The following UGT2A2 variants were observed in gnomAD, a reference collection of about 807,000 sequenced individuals.
UGT2A2 encodes the protein UDP glucuronosyltransferase family 2 member A2.
Under a neutral mutation model 50.7 loss-of-function variants are expected in UGT2A2, and 60 were observed. That is an observed-to-expected ratio of 1.18 (90% CI 0.96 to 1.47). UGT2A2 has a LOEUF of 1.47. Ranked by LOEUF, UGT2A2 falls within the 40% of genes most tolerant of loss-of-function variation. The pLI is 0.00. For missense variants in UGT2A2, 762 were observed against 634.0 expected (o/e 1.20, Z -2.17); for synonymous variants, 242 against 214.6 (o/e 1.13, Z -1.11).
At chr4:69,617,122 G>A (rs1016489987) in intron 1 of UGT2A2, among the ~76,000 whole-genome samples, 3 of 151,838 alleles carry the variant, frequency 2.0e-5, no homozygotes, top group Non-Finnish European at 4.4e-5. Context: ...CAGAACTATT[G>A]TTAGTATTCA....
chr4:69,633,998 C>T (rs1325237720), intron 1 of UGT2A2, among the ~76,000 whole-genome samples: 2 of 152,100 alleles, frequency 1.3e-5, no homozygotes, highest in Non-Finnish European at 1.5e-5. Context: ...GTAATCTCAG[C>T]ACTTTGGGAG....
In UGT2A2 at chr4:69,599,413, G is replaced by A; in HGVS notation, c.743-19C>T. The A allele has an allele frequency of 6.2e-7, 1 of 1,610,298 alleles. No individual in the cohort carries two copies. On this transcript the variant is annotated intron_variant, in intron 1 of 5. Coordinates refer to ENST00000604629, the MANE Select transcript of UGT2A2 (RefSeq NM_001105677.2). ...GGTCTTCCTGGAGAAAATGTAACAA[G>A]TTGGATGGAGGAAATTAGCTTATAT...
chr4:69,607,381 C>A (rs376053594), intron 1 of UGT2A2, among the ~76,000 whole-genome samples: 36,855 of 148,308 alleles, frequency 0.25, 5,000 homozygotes, highest in African/African-American at 0.35. Flanking sequence ...GAAAGCTGAA[C>A]CTGGATCCCT....
At chr4:69,609,639 G>A (rs1157454881) in intron 1 of UGT2A2, among the ~76,000 whole-genome samples, 2 of 152,050 alleles carry the variant, frequency 1.3e-5, no homozygotes, top group Non-Finnish European at 2.9e-5. Flanking sequence ...TAATGTCTCT[G>A]AGATGAGATT....
At position 69,624,855 on chromosome 4, in the gene UGT2A2, C is replaced by CTT. The variant is rs1720951567; in HGVS notation, c.742+14042_742+14043dup. 2.0e-5 allele frequency among the ~76,000 whole-genome samples: 3 copies of CTT among 150,956 alleles called. No individual in the cohort carries two copies. In the Admixed American group the frequency reaches 2.0e-4, roughly 10 times the overall value. ...TAATATTAAATAACATTTTTTAAGT[C>CTT]TTTTTTATTCATTGACTTATTTACA... On this transcript the variant is annotated intron_variant, in intron 1 of 5. Transcript: ENST00000604629.
At chr4:69,634,559 G>T (rs1250007683) in intron 1 of UGT2A2, among the ~76,000 whole-genome samples, 1 of 151,832 alleles carries the variant, frequency 6.6e-6, no homozygotes, top group Non-Finnish European at 1.5e-5. Context: ...TTAAGAGGCT[G>T]TTTTTTTCTT....
intron 2 of UGT2A2, among the ~76,000 whole-genome samples, chr4:69,597,047 C>A (rs1407539202): frequency 1.3e-5 from 2 of 152,188 alleles, no homozygotes; most frequent in Admixed American, 6.5e-5. Context: ...GGAAGCCCAA[C>A]AAAGGATACT....
intron 1 of UGT2A2, among the ~76,000 whole-genome samples, chr4:69,626,883 A>G (rs545213379): frequency 1.3e-5 from 2 of 151,750 alleles, no homozygotes; most frequent in Non-Finnish European, 2.9e-5. Context: ...TAGTTCCTGT[A>G]TTCTTTTGAA....
rs754846960 is a variant in UGT2A2, at chr4:69,594,538, G to T, written c.1270C>A (p.Leu424Ile). The change falls in exon 5 of 6, where the codon CTA (leucine) becomes ATA (isoleucine). Residue 424 changes from leucine (L) to isoleucine (I), a missense_variant. Transcript: ENST00000604629. ...KAKGAAVEVNLNTMTSVDLLS... is the reference protein window; with the variant it reads ...KAKGAAVEVNINTMTSVDLLS... ...AAATCCACACTTGTCATTGTGTTTA[G>T]GTTCACTTCCACAGCTGCTCCTTTG... 4 of 1,614,124 alleles carry T rather than the reference G, an allele frequency of 2.5e-6. No homozygotes were observed. The South Asian group carries it at 4.4e-5, about 18-fold the overall frequency.
intron 1 of UGT2A2, 92 bp downstream of exon 1, chr4:69,638,807 G>A: frequency 1.4e-6 from 2 of 1,405,470 alleles, no homozygotes; most frequent in African/African-American, 1.5e-5. Flanking sequence ...CTTCAGCTCA[G>A]CATATGCAGT....
At chr4:69,618,187 A>ATGTGTGTG (rs72430246) in intron 1 of UGT2A2, among the ~76,000 whole-genome samples, 14 of 144,466 alleles carry the variant, frequency 9.7e-5, no homozygotes, top group East Asian at 4.1e-4. Context: ...GCCAGTAAGC[A>ATGTGTGTG]TGTGTGTGTG....
At chr4:69,631,671 T>C (rs968838026) in intron 1 of UGT2A2, among the ~76,000 whole-genome samples, 35 of 152,140 alleles carry the variant, frequency 2.3e-4, no homozygotes, top group African/African-American at 8.2e-4. Context: ...ACATGGGCAT[T>C]TCTGGGTGTG....
chr4:69,605,014 A>G (rs1456979403), intron 1 of UGT2A2, among the ~76,000 whole-genome samples: 5 of 136,404 alleles, frequency 3.7e-5, no homozygotes, highest in Admixed American at 3.6e-4. Context: ...CAGATCAATG[A>G]GACAGAAAGA....
At chr4:69,631,237 G>C (rs1263484937) in intron 1 of UGT2A2, among the ~76,000 whole-genome samples, 1 of 152,082 alleles carries the variant, frequency 6.6e-6, no homozygotes, top group Non-Finnish European at 1.5e-5. Context: ...AATTAGTTAA[G>C]TGGGCTTTGG....
chr4:69,607,055 T>G (rs78553675), intron 1 of UGT2A2, among the ~76,000 whole-genome samples: 1 of 116,274 alleles, frequency 8.6e-6, no homozygotes, highest in Non-Finnish European at 1.8e-5. Context: ...CTTCACAGAA[T>G]TGGAAAAAAC....
chr4:69,610,380 C>T (rs1029731542), intron 1 of UGT2A2, among the ~76,000 whole-genome samples: 4 of 152,012 alleles, frequency 2.6e-5, no homozygotes, highest in Non-Finnish European at 5.9e-5. Flanking sequence ...TCTATCTGGC[C>T]ATTTATCTTC....
intron 1 of UGT2A2, among the ~76,000 whole-genome samples, chr4:69,636,022 TG>T (rs1330737848): frequency 2.0e-5 from 3 of 152,120 alleles, no homozygotes; most frequent in Non-Finnish European, 4.4e-5. Flanking sequence ...AAATGTTAAT[TG>T]TTTTACTCAT....
chr4:69,591,331 G>T (rs749650669), intron 5 of UGT2A2, among the ~76,000 whole-genome samples: 3 of 152,148 alleles, frequency 2.0e-5, no homozygotes, highest in Non-Finnish European at 2.9e-5. Context: ...GTTTGGTTTA[G>T]AAAGGTGGGA....
At chr4:69,626,252 C>T (rs10001991) in intron 1 of UGT2A2, among the ~76,000 whole-genome samples, 52,989 of 150,730 alleles carry the variant, frequency 0.35, 9,670 homozygotes, top group African/African-American at 0.43. Flanking sequence ...TATTAGATCA[C>T]ATTCTAACAT....
Sources: allele counts gnomAD v4.1 joint callset (sites outside exome capture counted in the v4.1 genomes callset), GRCh38; gene constraint gnomAD v4.1.1; transcripts MANE v1.5; gene names NCBI Gene and HGNC (gene_info 2026-07-23, HGNC 2026-07-21).